The following MACO1 variants were observed in gnomAD, a reference collection of about 807,000 sequenced individuals.
MACO1 encodes macoilin.
A neutral mutation model predicts 78.7 loss-of-function variants in MACO1; 14 were observed. The observed-to-expected ratio is 0.18, with a 90% confidence interval of 0.12 to 0.28. The LOEUF is 0.28. MACO1 is among the 10% of genes least tolerant of loss of function. MACO1 has a pLI of 1.00. For synonymous variants in MACO1, 288 were observed against 291.6 expected (o/e 0.99, Z 0.12); for missense variants, 501 against 799.0 (o/e 0.63, Z 4.50).
chr1:25,445,132 TA>T (rs11297651), intron 1 of MACO1, among the ~76,000 whole-genome samples: 56,378 of 112,204 alleles, frequency 0.5, 13,480 homozygotes, highest in Non-Finnish European at 0.54. Flanking sequence ...CCATCTCTAT[TA>T]AAAAAAAAAA....
At chr1:25,453,499 TA>T (rs1378884573) in intron 3 of MACO1, among the ~76,000 whole-genome samples, 1 of 150,406 alleles carries the variant, frequency 6.6e-6, no homozygotes, top group African/African-American at 2.4e-5. Context: ...CTGTCTCTAC[TA>T]AAAATACAAA....
At position 25,438,174 on chromosome 1, in the gene MACO1, T is replaced by TTCC. The variant is rs1035373717; in HGVS notation, c.80+6997_80+6998insCCT. Among the ~76,000 whole-genome samples, 194 of 152,258 alleles carry TTCC rather than the reference T, an allele frequency of 1.3e-3. 1 individual carries two copies. Among genetic ancestry groups the TTCC allele is most frequent in the African/African-American group, 4.5e-3 (185 of 41,542 alleles). On this transcript the variant is annotated intron_variant, in intron 1 of 10. Transcript: ENST00000374343. Reference sequence around the variant, plus strand: ...TAGAATTTCTGTTTCAAGAATACTTTTAACAGTGTGGAGTCTATGGGGTTG... The same window carrying TTCC: ...TAGAATTTCTGTTTCAAGAATACTTTTCCTAACAGTGTGGAGTCTATGGGGTTG...
intron 2 of MACO1, 149 bp downstream of exon 2, chr1:25,447,052 A>G: frequency 1.1e-6 from 1 of 906,340 alleles, no homozygotes; most frequent in Non-Finnish European, 1.6e-6. Flanking sequence ...GTCTAAACCC[A>G]TTGATCAAAT....
At chr1:25,452,670 G>T (rs2043077433) in intron 3 of MACO1, among the ~76,000 whole-genome samples, 2 of 150,388 alleles carry the variant, frequency 1.3e-5, no homozygotes, top group African/African-American at 2.4e-5. Flanking sequence ...CTAAATTTTT[G>T]CTATTGCAAA....
Position 25,435,733 on chromosome 1 carries a change from A to G in MACO1, c.80+4555A>G, listed in dbSNP as rs115803205. The stretch of plus-strand genomic sequence containing the variant: ...TAACTTTAACAATCCTGGACCTGGC[A>G]CGAAAGTGATAGATTCTGTATTGTT... On this transcript the variant is annotated intron_variant, in intron 1 of 10. Transcript: ENST00000374343. Among the ~76,000 whole-genome samples, 1,403 of 152,362 alleles carry G rather than the reference A, an allele frequency of 9.2e-3. 20 individuals are homozygous for G. Among genetic ancestry groups the G allele is most frequent in the African/African-American group, 0.031 (1,284 of 41,574 alleles).
intron 6 of MACO1, among the ~76,000 whole-genome samples, chr1:25,479,369 T>C (rs1436959284): frequency 6.6e-6 from 1 of 152,196 alleles, no homozygotes; most frequent in African/African-American, 2.4e-5. Context: ...GTTTAATAAA[T>C]GCTTCTAGCA....
intron 1 of MACO1, among the ~76,000 whole-genome samples, chr1:25,438,712 G>A (rs576122022): frequency 1.6e-4 from 25 of 152,280 alleles, no homozygotes; most frequent in African/African-American, 6.0e-4. Context: ...AGACCAGCCT[G>A]GCCAACGTGG....
chr1:25,480,926 A>AG (rs2043367321), intron 6 of MACO1, among the ~76,000 whole-genome samples: 1 of 34,818 alleles, frequency 2.9e-5, no homozygotes, highest in Non-Finnish European at 6.1e-5. Flanking sequence ...AAAAAAAAAA[A>AG]AAAATATATA....
At chr1:25,476,106 T>C (rs2043320072) in intron 6 of MACO1, among the ~76,000 whole-genome samples, 1 of 152,252 alleles carries the variant, frequency 6.6e-6, no homozygotes, top group Non-Finnish European at 1.5e-5. Flanking sequence ...ACTAGATTCC[T>C]TTATGGACCT....
chr1:25,442,028 A>G (rs970543821), intron 1 of MACO1, among the ~76,000 whole-genome samples: 2 of 152,192 alleles, frequency 1.3e-5, no homozygotes, highest in African/African-American at 2.4e-5. Context: ...GTGCTTCTAA[A>G]ATTTGATTGT....
At chr1:25,491,671 C>T (rs886937085) in intron 10 of MACO1, 87 bp downstream of exon 10, 1 of 1,145,406 alleles carries the variant, frequency 8.7e-7, no homozygotes, top group African/African-American at 1.6e-5. Flanking sequence ...AGCTCTCAAC[C>T]AAGGGGCATT....
At chr1:25,449,874 C>T (rs960439670) in intron 3 of MACO1, among the ~76,000 whole-genome samples, 20 of 152,128 alleles carry the variant, frequency 1.3e-4, no homozygotes, top group African/African-American at 4.8e-4. Flanking sequence ...CAAAAATTAG[C>T]TGGGTGTGGT....
At chr1:25,452,728 G>C (rs1436684147) in intron 3 of MACO1, among the ~76,000 whole-genome samples, 3 of 143,638 alleles carry the variant, frequency 2.1e-5, no homozygotes, top group Admixed American at 7.2e-5. Flanking sequence ...GCAGAGTCTC[G>C]CTCTGTTGCC....
intron 1 of MACO1, among the ~76,000 whole-genome samples, chr1:25,439,250 G>A (rs1329328370): frequency 1.3e-5 from 2 of 151,902 alleles, no homozygotes; most frequent in African/African-American, 4.8e-5. Flanking sequence ...AAAAAAAATA[G>A]CCAGGCATGG....
rs2043409585 is a variant in MACO1, at chr1:25,484,363, GA to G, written c.1313+90del. ...GGGGTTGGAGCACAAGATTTATGGT[GA>G]CAGAGACCTGCTGAGAGGTTTTTAA... On this transcript the variant is annotated intron_variant, in intron 7 of 10. Coordinates refer to ENST00000374343, the MANE Select transcript of MACO1 (RefSeq NM_018202.6). The G allele has an allele frequency of 4.7e-5, 62 of 1,329,210 alleles. 1 individual carries two copies. The South Asian group carries it at 1.0e-3, about 22-fold the overall frequency. 82.3% of individuals were successfully genotyped at this position (1,329,210 alleles called of 1,614,324 possible).
Position 25,454,347 on chromosome 1 carries a change from T to C in MACO1, c.438T>C (p.Phe146=), listed in dbSNP as rs752364813. The part of the protein sequence containing the change: ...AAIRFKDLKN[F]HVDLCRPFAA... ...TTAGATTTAAAGATCTCAAAAACTT[T>C]CATGTAGACCTTTGTCGTCCATTTG... is the stretch of plus-strand genomic sequence containing the variant. Residue 146 remains phenylalanine (F), a synonymous_variant, in exon 4 of 11, where the codon TTT becomes TTC. Coordinates refer to ENST00000374343, the MANE Select transcript of MACO1 (RefSeq NM_018202.6). 4.3e-6 allele frequency: 7 copies of C among 1,611,724 alleles called. No individual in the cohort carries two copies. The highest frequency in any genetic ancestry group is 5.9e-6 in the Non-Finnish European group (7 of 1,179,204).
rs572563644 is a variant in MACO1 at position 25,484,396 on chromosome 1, T to C, written c.1313+122T>C. 2.8e-5 allele frequency: 27 copies of C among 978,896 alleles called. No individual in the cohort carries two copies. In the African/African-American group the frequency reaches 4.5e-4, roughly 16 times the overall value. 60.6% of individuals were successfully genotyped at this position (978,896 alleles called of 1,614,324 possible). A position where few individuals can be genotyped will look rare whatever the true frequency, so the allele number is the denominator to read the frequency against. ...CCTGCTGAGAGGTTTTTAAATAAAA[T>C]GTTTAAAATACTTTATTTAGTACCA... is the stretch of plus-strand genomic sequence containing the variant. On this transcript the variant is annotated intron_variant, in intron 7 of 10. Coordinates refer to ENST00000374343, the MANE Select transcript of MACO1 (RefSeq NM_018202.6).
intron 1 of MACO1, among the ~76,000 whole-genome samples, chr1:25,432,509 A>G (rs1557654978): frequency 1.3e-5 from 2 of 152,220 alleles, no homozygotes; most frequent in African/African-American, 2.4e-5. Flanking sequence ...GCAGTGAGTA[A>G]AACAGACTCT....
chr1:25,442,745 A>T (rs1382085562), intron 1 of MACO1, among the ~76,000 whole-genome samples: 1 of 152,130 alleles, frequency 6.6e-6, no homozygotes, highest in Non-Finnish European at 1.5e-5. Context: ...ATTCACTTTG[A>T]TAGAGTCACC....
Sources: gnomAD v4.1 joint callset for allele counts (sites outside exome capture counted in the v4.1 genomes callset) on GRCh38, gnomAD v4.1.1 for gene constraint, MANE v1.5 for transcripts, NCBI Gene and HGNC (gene_info 2026-07-23, HGNC 2026-07-21) for gene names.